The following QKI variants were observed in gnomAD, a reference collection of about 807,000 sequenced individuals.
The protein encoded by QKI is KH domain-containing RNA-binding protein QKI.
In QKI, 10 loss-of-function variants were observed where a neutral mutation model predicts 39.0. The ratio of observed to expected loss-of-function variants is 0.26; its 90% CI spans 0.16 to 0.43. The LOEUF is 0.43. Ranked by LOEUF, QKI falls within the 20% of genes least tolerant of loss-of-function variation. The pLI, the probability that QKI is intolerant of heterozygous loss-of-function variation, is 1.00. For missense variants in QKI, 218 were observed against 428.0 expected (o/e 0.51, Z 4.33); for synonymous variants, 204 against 155.4 (o/e 1.31, Z -2.33).
chr6:163,416,758 C>G (rs551024195), intron 1 of QKI, among the ~76,000 whole-genome samples: 1 of 152,294 alleles, frequency 6.6e-6, no homozygotes, highest in South Asian at 2.1e-4. Flanking sequence ...ACAGCACTCA[C>G]CAACGTTGAA....
intron 4 of QKI, among the ~76,000 whole-genome samples, chr6:163,549,429 C>T (rs1003071272): frequency 1.6e-4 from 25 of 151,934 alleles, no homozygotes; most frequent in Admixed American, 1.3e-4. Flanking sequence ...GAAAACACTG[C>T]GCTGGGCATG....
intron 4 of QKI, among the ~76,000 whole-genome samples, chr6:163,554,426 T>G (rs6926584): frequency 0.84 from 127,785 of 152,184 alleles, 54,241 homozygotes; most frequent in East Asian, 1. Context: ...CATATGGCAG[T>G]TCAGTTTGGA....
At chr6:163,473,733 C>T (rs538543817) in intron 2 of QKI, among the ~76,000 whole-genome samples, 1 of 152,270 alleles carries the variant, frequency 6.6e-6, no homozygotes, top group East Asian at 1.9e-4. Flanking sequence ...CAGGTAGCTT[C>T]ACCAGTGAAT....
intron 6 of QKI, chr6:163,564,069 T>A: frequency 9.2e-7 from 1 of 1,086,042 alleles, no homozygotes; most frequent in Non-Finnish European, 1.1e-6. Context: ...TCTCAAACTT[T>A]ATTTGAGATT....
chr6:163,476,872 T>C (rs1310230319), intron 2 of QKI, among the ~76,000 whole-genome samples: 5 of 152,226 alleles, frequency 3.3e-5, no homozygotes, highest in Admixed American at 6.5e-5. Flanking sequence ...AACTTTTTAC[T>C]GGACCTTGTG....
chr6:163,433,009 G>A (rs891628797), intron 1 of QKI, among the ~76,000 whole-genome samples: 1 of 152,180 alleles, frequency 6.6e-6, no homozygotes. Flanking sequence ...ATAAAGGCAG[G>A]TGGAAGTAAG....
chr6:163,519,463 A>T (rs1410237461), intron 3 of QKI, among the ~76,000 whole-genome samples: 1 of 151,938 alleles, frequency 6.6e-6, no homozygotes, highest in Non-Finnish European at 1.5e-5. Context: ...GGCGACAGAG[A>T]TGAAATAAGG....
chr6:163,492,471 G>C (rs1301404676), intron 3 of QKI, among the ~76,000 whole-genome samples: 1 of 152,034 alleles, frequency 6.6e-6, no homozygotes, highest in Non-Finnish European at 1.5e-5. Flanking sequence ...TCAGATTGTT[G>C]AAATTATTCT....
intron 3 of QKI, among the ~76,000 whole-genome samples, chr6:163,501,108 ATATT>A (rs1360290047): frequency 6.6e-6 from 1 of 152,158 alleles, no homozygotes; most frequent in East Asian, 1.9e-4. Context: ...TTTAAATTAT[ATATT>A]AAAAGAAATT....
intron 6 of QKI, chr6:163,564,368 C>A: frequency 8.4e-7 from 1 of 1,186,672 alleles, no homozygotes; most frequent in Non-Finnish European, 1.1e-6. Flanking sequence ...CCATTATAAT[C>A]TTATGGGACC....
intron 7 of QKI, chr6:163,567,974 A>G (rs573146269): frequency 1.3e-5 from 13 of 985,362 alleles, no homozygotes; most frequent in African/African-American, 1.7e-5. Flanking sequence ...ATATTTGTTT[A>G]GCATAATCCA....
intron 4 of QKI, among the ~76,000 whole-genome samples, chr6:163,559,522 T>G (rs1782864048): frequency 6.6e-6 from 1 of 152,214 alleles, no homozygotes; most frequent in Non-Finnish European, 1.5e-5. Flanking sequence ...AATTTCTGTG[T>G]CTTTCTAAGA....
chr6:163,456,489 G>A (rs1790925842), intron 2 of QKI, among the ~76,000 whole-genome samples: 1 of 152,146 alleles, frequency 6.6e-6, no homozygotes, highest in Admixed American at 6.6e-5. Context: ...ATGAAAAAAG[G>A]AGTTATTATA....
intron 3 of QKI, among the ~76,000 whole-genome samples, chr6:163,488,056 C>T (rs1455477045): frequency 1.3e-5 from 2 of 152,088 alleles, no homozygotes; most frequent in African/African-American, 2.4e-5. Context: ...TTCCCTGCCC[C>T]CCGCCTTTGG....
chr6:163,471,068 T>TAA (rs1338557998), intron 2 of QKI, among the ~76,000 whole-genome samples: 4 of 152,044 alleles, frequency 2.6e-5, no homozygotes, highest in African/African-American at 9.7e-5. Flanking sequence ...ATAAACATGA[T>TAA]AAAGGAGACC....
At chr6:163,434,837 G>T (rs1789120023) in intron 1 of QKI, among the ~76,000 whole-genome samples, 1 of 152,008 alleles carries the variant, frequency 6.6e-6, no homozygotes, top group Non-Finnish European at 1.5e-5. Flanking sequence ...TATTATTGGA[G>T]AAATACTTCT....
intron 2 of QKI, chr6:163,457,672 C>G (rs997503618): frequency 6.1e-6 from 2 of 325,802 alleles, no homozygotes; most frequent in Admixed American, 4.2e-5. Context: ...CAGGGTCAGC[C>G]AGGCTGACAG....
intron 4 of QKI, among the ~76,000 whole-genome samples, chr6:163,541,172 T>C (rs7749189): frequency 0.83 from 125,585 of 151,912 alleles, 52,300 homozygotes; most frequent in East Asian, 1. Context: ...GCTGCGTTTT[T>C]ATTATCATTC....
chr6:163,568,491 G>A (rs908736809), intron 7 of QKI: 4 of 985,396 alleles, frequency 4.1e-6, no homozygotes, highest in Non-Finnish European at 3.6e-6. Context: ...TCAGCAAACC[G>A]AAATGCTCAT....
Sources: allele counts gnomAD v4.1 joint callset (sites outside exome capture counted in the v4.1 genomes callset), GRCh38; gene constraint gnomAD v4.1.1; transcripts MANE v1.5; gene names NCBI Gene and HGNC (gene_info 2026-07-23, HGNC 2026-07-21).